The following PECAM1 variants were observed in gnomAD, a reference collection of about 807,000 sequenced individuals.
PECAM1 encodes the protein platelet and endothelial cell adhesion molecule 1, also known as platelet endothelial cell adhesion molecule.
In PECAM1, 8 loss-of-function variants were observed where a neutral mutation model predicts 13.8. That is an observed-to-expected ratio of 0.58 (90% CI 0.34 to 1.05). The LOEUF is 1.05. Ranked by LOEUF, PECAM1 falls within the 50% of genes least tolerant of loss-of-function variation. The pLI, the probability that PECAM1 is intolerant of heterozygous loss-of-function variation, is 0.03. For missense variants in PECAM1, 304 were observed against 141.2 expected, an observed-to-expected ratio of 2.15 and a Z score of -5.84; for synonymous variants, 136 against 52.6, an observed-to-expected ratio of 2.58 and a Z score of -6.86.
intron 2 of PECAM1, chr17:64,378,771 T>G (rs1231343707): frequency 2.6e-5 from 4 of 152,272 alleles, no homozygotes; most frequent in African/African-American, 9.6e-5. Context: ...CCTGGGCAGC[T>G]AGACTCTCTG....
chr17:64,358,254 G>A (rs2035892163), intron 7 of PECAM1, among the ~76,000 whole-genome samples: 1 of 151,534 alleles, frequency 6.6e-6, no homozygotes, highest in Non-Finnish European at 1.5e-5. Context: ...GAGTAGCTGG[G>A]GCTACAGGCA....
intron 4 of PECAM1, among the ~76,000 whole-genome samples, chr17:64,370,774 G>A (rs1463275004): frequency 1.3e-5 from 2 of 152,128 alleles, no homozygotes; most frequent in Admixed American, 6.6e-5. Flanking sequence ...CTAGGCTTTC[G>A]TTTCCACTTA....
chr17:64,388,910 C>T (rs1460507519), intron 2 of PECAM1, among the ~76,000 whole-genome samples: 29 of 152,136 alleles, frequency 1.9e-4, no homozygotes, highest in Non-Finnish European at 4.1e-4. Context: ...TCAAGTGATT[C>T]GACCACCTTG....
intron 2 of PECAM1, among the ~76,000 whole-genome samples, chr17:64,386,300 G>A (rs930576036): frequency 2.0e-5 from 3 of 151,800 alleles, no homozygotes; most frequent in African/African-American, 7.3e-5. Context: ...AGCTACTCAG[G>A]AGGGTGAGGC....
At chr17:64,353,354 A>C in intron 10 of PECAM1, 137 bp downstream of exon 10, 8 of 393,254 alleles carry the variant, frequency 2.0e-5, no homozygotes, top group Non-Finnish European at 1.4e-5. Context: ...TCACACACAC[A>C]ACTCACACCC....
chr17:64,344,081 C>T (rs1223813705), intron 13 of PECAM1, among the ~76,000 whole-genome samples: 2 of 152,074 alleles, frequency 1.3e-5, no homozygotes, highest in East Asian at 1.9e-4. Flanking sequence ...ATATACCAGG[C>T]GCATGGTGGG....
intron 13 of PECAM1, among the ~76,000 whole-genome samples, chr17:64,342,234 T>G (rs2035452498): frequency 6.6e-6 from 1 of 151,578 alleles, no homozygotes; most frequent in Admixed American, 6.5e-5. Context: ...CAGGCCATTG[T>G]GGAGCAGGGC....
At chr17:64,348,825 T>C (rs2035644988) in intron 12 of PECAM1, among the ~76,000 whole-genome samples, 1 of 151,508 alleles carries the variant, frequency 6.6e-6, no homozygotes, top group Non-Finnish European at 1.5e-5. Flanking sequence ...AGGAAGGGAG[T>C]ACGAACCCCG....
intron 14 of PECAM1, among the ~76,000 whole-genome samples, chr17:64,337,711 A>G (rs2035317631): frequency 6.6e-6 from 1 of 152,076 alleles, no homozygotes; most frequent in African/African-American, 2.4e-5. Flanking sequence ...AACAGCCCGG[A>G]CTGAGTAATC....
chr17:64,342,808 A>G (rs1214664725), intron 13 of PECAM1, among the ~76,000 whole-genome samples: 2 of 152,252 alleles, frequency 1.3e-5, no homozygotes, highest in East Asian at 3.9e-4. Flanking sequence ...ACAAAAATAC[A>G]CACACAGCAT....
In PECAM1 at chr17:64,360,215, C is replaced by G; in HGVS notation, c.1417G>C (p.Glu473Gln). The G allele has an allele frequency of 2.1e-6, 1 of 475,360 alleles. No individual in the cohort carries two copies. Among genetic ancestry groups the G allele is most frequent in the African/African-American group, 2.0e-5 (1 of 50,620 alleles). The allele number at this position is 475,360 out of a possible 1,614,324, so 29.4% of individuals were successfully genotyped here. A position where few individuals can be genotyped will look rare whatever the true frequency, so the allele number is the denominator to read the frequency against. Residue 473 changes from glutamate (E) to glutamine (Q), a missense_variant, in exon 7 of 16, where the codon GAA becomes CAA. Glu to Gln is a conservative substitution (Grantham distance 29). Transcript: ENST00000563924. ...CAATTATCTGCAACACACTGGTATTCGACGTCTTCAGTGGGGTTGTCTTTG... is the reference window on the plus strand; with the variant it reads ...CAATTATCTGCAACACACTGGTATTGGACGTCTTCAGTGGGGTTGTCTTTG... ...VFKDNPTEDV[E>Q]YQCVADNCHS...
At chr17:64,390,563 A>G (rs1236370779) in intron 1 of PECAM1, 39 bp downstream of exon 1, 1 of 473,724 alleles carries the variant, frequency 2.1e-6, no homozygotes, top group Non-Finnish European at 3.9e-6. Context: ...TTCGATGCTC[A>G]TGGAGTTAAA....
chr17:64,371,441 G>A (rs2036235082), intron 4 of PECAM1, among the ~76,000 whole-genome samples: 1 of 152,128 alleles, frequency 6.6e-6, no homozygotes, highest in African/African-American at 2.4e-5. Flanking sequence ...GGAGGCTGAG[G>A]CAGGAGAACT....
intron 13 of PECAM1, among the ~76,000 whole-genome samples, chr17:64,343,176 G>C (rs1699738469): frequency 6.6e-6 from 1 of 152,064 alleles, no homozygotes. Flanking sequence ...TTCCCTCCTC[G>C]GAGTGAATGG....
chr17:64,375,024 C>A (rs918469079), intron 4 of PECAM1, 27 bp downstream of exon 4: 1 of 473,024 alleles, frequency 2.1e-6, no homozygotes, highest in South Asian at 6.9e-5. Flanking sequence ...CCACAAAGAA[C>A]GATGAGGAAG....
At chr17:64,330,781 C>T (rs782037692) in intron 14 of PECAM1, among the ~76,000 whole-genome samples, 8 of 151,344 alleles carry the variant, frequency 5.3e-5, no homozygotes, top group East Asian at 1.9e-4. Context: ...TTTTCCACTA[C>T]GATTTGGCTT....
rs930422020 is a variant in PECAM1, at chr17:64,347,553, A to G, written c.2107+707T>C. Among the ~76,000 whole-genome samples, 795 of 144,616 alleles carry G rather than the reference A, an allele frequency of 5.5e-3. 8 individuals carry two copies. The highest frequency in any genetic ancestry group is 0.019 in the African/African-American group (769 of 39,794). The allele number at this position is 144,616 out of a possible 152,430, so 94.9% of individuals were successfully genotyped here. The stretch of plus-strand genomic sequence containing the variant: ...CAACAAAGAAAAAAAAAATATATAT[A>G]TATATATAAAATAAAAAATATATAA... On this transcript the variant is annotated intron_variant, in intron 13 of 15. Transcript: ENST00000563924.
intron 3 of PECAM1, among the ~76,000 whole-genome samples, chr17:64,375,966 C>T (rs1476197800): frequency 3.7e-4 from 56 of 152,142 alleles, no homozygotes; most frequent in Non-Finnish European, 1.0e-4. Flanking sequence ...TAAAAGACTA[C>T]ACACTGGGTA....
chr17:64,355,415 C>G (rs1466163268), intron 8 of PECAM1, among the ~76,000 whole-genome samples: 1 of 152,144 alleles, frequency 6.6e-6, no homozygotes, highest in Non-Finnish European at 1.5e-5. Context: ...CTCAGCCTCC[C>G]GAGTAGCTGG....
Sources: allele counts gnomAD v4.1 joint callset (sites outside exome capture counted in the v4.1 genomes callset), GRCh38; gene constraint gnomAD v4.1.1; transcripts MANE v1.5; gene names NCBI Gene and HGNC (gene_info 2026-07-23, HGNC 2026-07-21).